TMPRSS11A: variants seen among roughly 807,000 people sequenced by gnomAD.
TMPRSS11A encodes transmembrane serine protease 11A.
Under a neutral mutation model 58.9 loss-of-function variants are expected in TMPRSS11A, and 53 were observed. The observed-to-expected ratio is 0.90, with a 90% CI of 0.72 to 1.13. The LOEUF is 1.13. Among genes scored for constraint, TMPRSS11A ranks in the 50% most tolerant of loss-of-function variants. The pLI, the probability that TMPRSS11A is intolerant of heterozygous loss-of-function variation, is 0.00. For synonymous variants in TMPRSS11A, 167 were observed against 169.8 expected (o/e 0.98, Z 0.13); for missense variants, 493 against 499.3 (o/e 0.99, Z 0.12).
chr4:67,954,890 A>C (rs1560575133), intron 1 of TMPRSS11A, among the ~76,000 whole-genome samples: 1 of 152,242 alleles, frequency 6.6e-6, no homozygotes, highest in Admixed American at 6.5e-5. Flanking sequence ...GATTTGTATG[A>C]AGATTAAATG....
At chr4:67,941,969 C>G (rs111696872) in intron 3 of TMPRSS11A, among the ~76,000 whole-genome samples, 80 of 152,130 alleles carry the variant, frequency 5.3e-4, no homozygotes, top group African/African-American at 1.8e-3. Context: ...TGTCCACAAC[C>G]AACACACTAT....
At chr4:67,920,543 ATATATAT>A (rs910207120) in intron 7 of TMPRSS11A, among the ~76,000 whole-genome samples, 2 of 83,866 alleles carry the variant, frequency 2.4e-5, no homozygotes, top group African/African-American at 9.9e-5. Flanking sequence ...ATATATATAT[ATATATAT>A]TTTTTTTTAT....
chr4:67,930,238 C>A (rs1044207562), intron 4 of TMPRSS11A, among the ~76,000 whole-genome samples, 198 bp from the exon 5 acceptor site: 2 of 152,014 alleles, frequency 1.3e-5, no homozygotes, highest in Non-Finnish European at 2.9e-5. Context: ...TGCATTTCCC[C>A]CATTAATTTG....
At chr4:67,913,882 A>G (rs1009430746) in intron 9 of TMPRSS11A, among the ~76,000 whole-genome samples, 4 of 152,190 alleles carry the variant, frequency 2.6e-5, no homozygotes, top group Non-Finnish European at 5.9e-5. Flanking sequence ...GTTCTAAAGT[A>G]TCTCATGTTA....
chr4:67,950,601 C>T (rs993901110), intron 1 of TMPRSS11A, among the ~76,000 whole-genome samples: 9 of 152,078 alleles, frequency 5.9e-5, no homozygotes, highest in Non-Finnish European at 8.8e-5. Flanking sequence ...CTATGTACAC[C>T]GGAGGGGGGA....
At chr4:67,942,049 A>T (rs1399499442) in intron 3 of TMPRSS11A, among the ~76,000 whole-genome samples, 1 of 152,250 alleles carries the variant, frequency 6.6e-6, no homozygotes, top group Non-Finnish European at 1.5e-5. Flanking sequence ...GTTTAACAGA[A>T]AAATAGGCAA....
intron 1 of TMPRSS11A, among the ~76,000 whole-genome samples, chr4:67,957,553 T>C (rs779657071): frequency 2.6e-5 from 4 of 152,158 alleles, no homozygotes; most frequent in Non-Finnish European, 5.9e-5. Context: ...GAGAAAGAAA[T>C]TTCTAAGCAG....
At chr4:67,916,579 C>A (rs2043636952) in intron 8 of TMPRSS11A, among the ~76,000 whole-genome samples, 1 of 152,098 alleles carries the variant, frequency 6.6e-6, no homozygotes, top group African/African-American at 2.4e-5. Flanking sequence ...GTAATCCCAG[C>A]ACTTTGGGAG....
chr4:67,937,474 G>T lies in TMPRSS11A; in HGVS notation c.253-5414C>A, dbSNP rs148598383. On this transcript the variant is annotated intron_variant, in intron 3 of 9. Coordinates refer to ENST00000508048, the MANE Select transcript of TMPRSS11A (RefSeq NM_001114387.2). Reference sequence around the variant, plus strand: ...TCTTCATGGATTTAAAAAATGAAATGAGAGAAGAATTGATTTAGATTTTAA... The same window carrying T: ...TCTTCATGGATTTAAAAAATGAAATTAGAGAAGAATTGATTTAGATTTTAA... Among the ~76,000 whole-genome samples the T allele has an allele frequency of 7.2e-3, 1,097 of 152,300 alleles. 9 individuals carry two copies. The highest frequency in any genetic ancestry group is 0.02 in the African/African-American group (847 of 41,568).
intron 8 of TMPRSS11A, among the ~76,000 whole-genome samples, chr4:67,915,325 G>T (rs186564132): frequency 2.0e-5 from 3 of 152,040 alleles, no homozygotes; most frequent in Non-Finnish European, 4.4e-5. Context: ...GGCAGGCTAC[G>T]TAGAAAACTA....
chr4:67,923,596 T>C (rs1720390134), intron 6 of TMPRSS11A, among the ~76,000 whole-genome samples: 1 of 152,170 alleles, frequency 6.6e-6, no homozygotes, highest in Non-Finnish European at 1.5e-5. Context: ...AACCTCTGCC[T>C]CCCAGGTTCA....
At chr4:67,955,797 T>C (rs1438431) in intron 1 of TMPRSS11A, among the ~76,000 whole-genome samples, 2,821 of 152,234 alleles carry the variant, frequency 0.019, 97 homozygotes, top group African/African-American at 0.063. Flanking sequence ...CATGGTACAA[T>C]CTTTAGTACT....
intron 3 of TMPRSS11A, among the ~76,000 whole-genome samples, chr4:67,944,198 G>T (rs982162178): frequency 5.3e-5 from 8 of 152,130 alleles, no homozygotes; most frequent in African/African-American, 1.4e-4. Context: ...TTCTACAGGG[G>T]AAACGTGGTG....
At chr4:67,962,118 T>G (rs1214924973) in intron 1 of TMPRSS11A, among the ~76,000 whole-genome samples, 1 of 152,138 alleles carries the variant, frequency 6.6e-6, no homozygotes, top group Non-Finnish European at 1.5e-5. Flanking sequence ...TTAAAATAAT[T>G]TTTTAACAGT....
At chr4:67,948,453 C>T (rs1412226708) in intron 1 of TMPRSS11A, among the ~76,000 whole-genome samples, 1 of 152,080 alleles carries the variant, frequency 6.6e-6, no homozygotes. Flanking sequence ...CCACTGCACC[C>T]GGTCTTACAA....
rs1186488500 is a variant in TMPRSS11A at position 67,911,018 on chromosome 4, C to T, written c.*324G>A. The T allele has an allele frequency of 5.3e-6, 1 of 188,938 alleles. No individual in the cohort carries two copies. The highest frequency in any genetic ancestry group is 1.1e-5 in the Non-Finnish European group (1 of 92,460). 11.7% of individuals were successfully genotyped at this position (188,938 alleles called of 1,614,324 possible). ...TTCTCAGTTAAAAGGAGACCCTTGA[C>T]AACGACATTCTAAAAATCCCATGGA... On this transcript the variant is annotated 3_prime_UTR_variant, in exon 10 of 10. Coordinates refer to ENST00000508048, the MANE Select transcript of TMPRSS11A (RefSeq NM_001114387.2).
At chr4:67,948,273 C>G (rs1318794429) in intron 1 of TMPRSS11A, among the ~76,000 whole-genome samples, 1 of 151,248 alleles carries the variant, frequency 6.6e-6, no homozygotes. Flanking sequence ...ATTCTCCTGC[C>G]TCAGCCTCCT....
chr4:67,933,339 T>A (rs1254061461), intron 3 of TMPRSS11A, among the ~76,000 whole-genome samples: 2 of 152,162 alleles, frequency 1.3e-5, no homozygotes, highest in African/African-American at 4.8e-5. Context: ...CAGATACTAG[T>A]AAGCTGGGAC....
At chr4:67,933,456 A>C (rs1324626447) in intron 3 of TMPRSS11A, among the ~76,000 whole-genome samples, 3 of 152,236 alleles carry the variant, frequency 2.0e-5, no homozygotes, top group African/African-American at 7.2e-5. Flanking sequence ...TGTAGAACAC[A>C]TAGTAATAAG....
Sources: gnomAD v4.1 joint callset for allele counts (sites outside exome capture counted in the v4.1 genomes callset) on GRCh38, gnomAD v4.1.1 for gene constraint, MANE v1.5 for transcripts, NCBI Gene and HGNC (gene_info 2026-07-23, HGNC 2026-07-21) for gene names.